The following PLD5 variants were observed in gnomAD, a reference collection of about 807,000 sequenced individuals.
PLD5 encodes phospholipase D family member 5.
In PLD5, 36 loss-of-function variants were observed where a neutral mutation model predicts 61.1. The ratio of observed to expected loss-of-function variants is 0.59; its 90% CI spans 0.45 to 0.78. The LOEUF (loss-of-function observed/expected upper bound fraction) is 0.78, where lower values mean the gene tolerates loss of function less well. Ranked by LOEUF, PLD5 falls within the 30% of genes least tolerant of loss-of-function variation. The probability of loss-of-function intolerance (pLI) is 0.00; values close to 1 mark genes in which losing one functional copy is unlikely to be tolerated. For missense variants in PLD5, 515 were observed against 644.4 expected (o/e 0.80, Z 2.17); for synonymous variants, 243 against 242.8 (o/e 1.00, Z -0.01).
intron 2 of PLD5, among the ~76,000 whole-genome samples, chr1:242,321,751 G>C (rs1399449110): frequency 1.3e-5 from 2 of 152,088 alleles, no homozygotes; most frequent in Non-Finnish European, 2.9e-5. Context: ...ACACTCTCCT[G>C]GTGGTTGGGG....
chr1:242,274,672 T>G (rs977118479), intron 3 of PLD5, among the ~76,000 whole-genome samples: 2 of 151,902 alleles, frequency 1.3e-5, no homozygotes, highest in African/African-American at 4.8e-5. Flanking sequence ...GAGAATGGCG[T>G]GAACCCGGGA....
intron 1 of PLD5, among the ~76,000 whole-genome samples, chr1:242,430,820 T>C (rs76089971): frequency 1.3e-5 from 2 of 152,208 alleles, no homozygotes; most frequent in African/African-American, 2.4e-5. Context: ...CTCCTCATCA[T>C]TGAGCTCTAT....
intron 2 of PLD5, among the ~76,000 whole-genome samples, chr1:242,314,585 T>C (rs1676895006): frequency 1.3e-5 from 2 of 152,174 alleles, no homozygotes; most frequent in African/African-American, 4.8e-5. Context: ...ACTAACTCTC[T>C]TCCTATCCCT....
chr1:242,172,115 T>C (rs1666796510), intron 5 of PLD5, among the ~76,000 whole-genome samples: 1 of 152,214 alleles, frequency 6.6e-6, no homozygotes, highest in African/African-American at 2.4e-5. Flanking sequence ...ATTCTAAAAT[T>C]GACCACGTAA....
intron 5 of PLD5, among the ~76,000 whole-genome samples, chr1:242,127,925 C>A (rs889529149): frequency 6.6e-6 from 1 of 152,144 alleles, no homozygotes; most frequent in African/African-American, 2.4e-5. Flanking sequence ...AATTCAGTGG[C>A]CATAGTTCAC....
intron 5 of PLD5, chr1:242,209,199 T>C (rs1426315935): frequency 1.3e-5 from 2 of 152,160 alleles, no homozygotes; most frequent in African/African-American, 4.8e-5. Context: ...ACTTTTCATT[T>C]CCTTCGTGGT....
chr1:242,188,469 T>C lies in PLD5; in HGVS notation c.735+31519A>G, dbSNP rs147529373. Among the ~76,000 whole-genome samples the C allele has an allele frequency of 3.3e-3, 502 of 152,192 alleles. 2 individuals are homozygous for C. The highest frequency in any genetic ancestry group is 0.011 in the African/African-American group (451 of 41,524). On this transcript the variant is annotated intron_variant, in intron 5 of 9. Coordinates refer to ENST00000536534, the MANE Select transcript of PLD5 (RefSeq NM_001372062.1). ...ACATCATTGGCACAGAGATAAGATT[T>C]GAAGTGGAGGCACTGGTGTGATGGT...
At chr1:242,262,592 T>C (rs1246907070) in intron 4 of PLD5, among the ~76,000 whole-genome samples, 2 of 151,952 alleles carry the variant, frequency 1.3e-5, no homozygotes, top group East Asian at 1.9e-4. Context: ...TTAAGCAAAG[T>C]ATTAAGAGAC....
chr1:242,501,842 A>C (rs1479810038), intron 1 of PLD5, among the ~76,000 whole-genome samples: 1 of 151,548 alleles, frequency 6.6e-6, no homozygotes, highest in Non-Finnish European at 1.5e-5. Flanking sequence ...AAATATAAAT[A>C]ATAACATTTA....
intron 3 of PLD5, among the ~76,000 whole-genome samples, chr1:242,269,359 A>G (rs931218527): frequency 2.0e-5 from 3 of 151,944 alleles, no homozygotes; most frequent in African/African-American, 7.3e-5. Flanking sequence ...GTAGAGTCGT[A>G]TGCAGGAAGC....
intron 5 of PLD5, among the ~76,000 whole-genome samples, chr1:242,144,845 G>C (rs1200912879): frequency 2.6e-5 from 4 of 152,174 alleles, no homozygotes; most frequent in Admixed American, 2.6e-4. Context: ...TTCTTAAGTG[G>C]GTGGCTTGAG....
chr1:242,349,301 A>T (rs568906709), intron 1 of PLD5, among the ~76,000 whole-genome samples: 1 of 152,180 alleles, frequency 6.6e-6, no homozygotes, highest in African/African-American at 2.4e-5. Context: ...CAGAGAGAAT[A>T]GATTGTAAAT....
chr1:242,399,364 C>G (rs192743106), intron 1 of PLD5, among the ~76,000 whole-genome samples: 1 of 152,126 alleles, frequency 6.6e-6, no homozygotes, highest in African/African-American at 2.4e-5. Context: ...CCAATTTATG[C>G]TTGAAAAAGA....
chr1:242,329,040 G>A (rs1447896768), intron 2 of PLD5, among the ~76,000 whole-genome samples: 7 of 150,432 alleles, frequency 4.7e-5, no homozygotes, highest in Non-Finnish European at 7.4e-5. Context: ...ACAGAGTCTC[G>A]CTCTGTCACC....
intron 2 of PLD5, among the ~76,000 whole-genome samples, chr1:242,296,429 T>A (rs1407814134): frequency 6.6e-6 from 1 of 152,226 alleles, no homozygotes; most frequent in Non-Finnish European, 1.5e-5. Context: ...GCTTTTGAGA[T>A]CATATGGCTA....
chr1:242,268,068 A>G (rs1293035808), intron 3 of PLD5, among the ~76,000 whole-genome samples: 1 of 152,116 alleles, frequency 6.6e-6, no homozygotes, highest in African/African-American at 2.4e-5. Flanking sequence ...AGGCTCAGGT[A>G]CAGGATGTGA....
intron 8 of PLD5, among the ~76,000 whole-genome samples, chr1:242,103,282 C>CT (rs1437062157): frequency 6.6e-6 from 1 of 152,208 alleles, no homozygotes; most frequent in South Asian, 2.1e-4. Context: ...CAGAAAATGG[C>CT]TAACCACACC....
At chr1:242,371,356 G>C (rs192467705) in intron 1 of PLD5, among the ~76,000 whole-genome samples, 1 of 152,118 alleles carries the variant, frequency 6.6e-6, no homozygotes, top group Non-Finnish European at 1.5e-5. Flanking sequence ...TTCCTTCTCT[G>C]CTTGGGTGCT....
intron 1 of PLD5, among the ~76,000 whole-genome samples, chr1:242,461,335 C>T (rs1299705262): frequency 6.6e-6 from 1 of 152,138 alleles, no homozygotes; most frequent in Non-Finnish European, 1.5e-5. Context: ...ATTCAACACA[C>T]AGTTGAAGGC....
Sources: allele counts gnomAD v4.1 joint callset (sites outside exome capture counted in the v4.1 genomes callset), GRCh38; gene constraint gnomAD v4.1.1; transcripts MANE v1.5; gene names NCBI Gene and HGNC (gene_info 2026-07-23, HGNC 2026-07-21).